The following NKAIN3 variants were observed in gnomAD, a reference collection of about 807,000 sequenced individuals.
NKAIN3 encodes sodium/potassium-transporting ATPase subunit beta-1-interacting protein 3.
NKAIN3 carries 25 observed loss-of-function variants against 30.2 expected under a neutral mutation model. The observed-to-expected ratio is 0.83, with a 90% CI of 0.60 to 1.16. The LOEUF (loss-of-function observed/expected upper bound fraction) is 1.16. NKAIN3 is among the 50% of genes most tolerant of loss of function. The pLI is 0.00. For missense variants in NKAIN3, 225 were observed against 254.1 expected, an observed-to-expected ratio of 0.89 and a Z score of 0.78; for synonymous variants, 91 against 89.6, an observed-to-expected ratio of 1.02 and a Z score of -0.09.
chr8:62,943,646 T>C (rs1823035041), intron 5 of NKAIN3, among the ~76,000 whole-genome samples: 1 of 151,604 alleles, frequency 6.6e-6, no homozygotes, highest in Non-Finnish European at 1.5e-5. Context: ...CAAATGCCCA[T>C]CAGTCAACAA....
intron 3 of NKAIN3, among the ~76,000 whole-genome samples, chr8:62,633,900 G>A (rs1812042869): frequency 6.6e-6 from 1 of 152,124 alleles, no homozygotes; most frequent in Non-Finnish European, 1.5e-5. Context: ...TCGCATCTAA[G>A]AGAGTACAGC....
intron 1 of NKAIN3, among the ~76,000 whole-genome samples, chr8:62,507,638 TG>T (rs1807684383): frequency 6.6e-6 from 1 of 152,164 alleles, no homozygotes; most frequent in Non-Finnish European, 1.5e-5. Context: ...TCTCTCTCTT[TG>T]TAAAAAAAAT....
At chr8:62,692,024 A>G (rs1813983160) in intron 3 of NKAIN3, among the ~76,000 whole-genome samples, 2 of 152,192 alleles carry the variant, frequency 1.3e-5, no homozygotes, top group Admixed American at 6.5e-5. Flanking sequence ...TAGCTGGCCT[A>G]TAATGATCTT....
intron 1 of NKAIN3, among the ~76,000 whole-genome samples, chr8:62,304,919 A>G (rs559842808): frequency 1.3e-5 from 2 of 150,648 alleles, no homozygotes; most frequent in African/African-American, 2.5e-5. Context: ...GTTGTACTGG[A>G]AAGTGTCAGA....
chr8:62,415,130 C>A (rs1198460916), intron 1 of NKAIN3, among the ~76,000 whole-genome samples: 20 of 94,768 alleles, frequency 2.1e-4, no homozygotes, highest in African/African-American at 6.7e-4. Flanking sequence ...ATATAATATA[C>A]TATAGTATAT....
chr8:62,584,024 T>C (rs181634097), intron 2 of NKAIN3, among the ~76,000 whole-genome samples: 249 of 152,282 alleles, frequency 1.6e-3, no homozygotes, highest in Non-Finnish European at 3.0e-3. Flanking sequence ...TTAATTCTGA[T>C]ATTTAAAAAA....
intron 1 of NKAIN3, among the ~76,000 whole-genome samples, chr8:62,451,243 TCTCTTCTCTTCTCTTCTC>T (rs1158418690): frequency 6.6e-6 from 1 of 151,400 alleles, no homozygotes. Flanking sequence ...TTCTCTTCTC[TCTCTTCTCTTCTCTTCTC>T]CTCTTCTCTT....
At chr8:62,623,047 T>C (rs1811668106) in intron 3 of NKAIN3, among the ~76,000 whole-genome samples, 1 of 152,046 alleles carries the variant, frequency 6.6e-6, no homozygotes, top group Admixed American at 6.6e-5. Flanking sequence ...AAATAAAAAA[T>C]GTACTGATGA....
intron 1 of NKAIN3, among the ~76,000 whole-genome samples, chr8:62,574,661 C>A (rs184734733): frequency 1.3e-5 from 2 of 152,118 alleles, no homozygotes; most frequent in East Asian, 3.9e-4. Flanking sequence ...ACGTTTCCAC[C>A]AACAGTGTAC....
At chr8:62,450,214 A>G (rs1805600842) in intron 1 of NKAIN3, among the ~76,000 whole-genome samples, 1 of 152,148 alleles carries the variant, frequency 6.6e-6, no homozygotes, top group African/African-American at 2.4e-5. Context: ...GCATGTAGCT[A>G]GTTATTTTTT....
At chr8:62,578,724 C>T (rs1190647454) in intron 1 of NKAIN3, among the ~76,000 whole-genome samples, 1 of 151,564 alleles carries the variant, frequency 6.6e-6, no homozygotes, top group Non-Finnish European at 1.5e-5. Context: ...TGTTTTTGAT[C>T]CAATTATGTT....
At chr8:62,729,936 T>C (rs1315156387) in intron 3 of NKAIN3, among the ~76,000 whole-genome samples, 1 of 152,224 alleles carries the variant, frequency 6.6e-6, no homozygotes, top group Non-Finnish European at 1.5e-5. Context: ...TCATAGCATA[T>C]GCTCATTTTA....
chr8:62,696,201 A>G (rs1455246832), intron 3 of NKAIN3, among the ~76,000 whole-genome samples: 2 of 152,154 alleles, frequency 1.3e-5, no homozygotes, highest in Non-Finnish European at 2.9e-5. Context: ...CCATGTTAAC[A>G]ATACTGAACT....
chr8:62,622,689 A>T (rs1023573538), intron 3 of NKAIN3, among the ~76,000 whole-genome samples: 4 of 151,952 alleles, frequency 2.6e-5, no homozygotes, highest in Admixed American at 1.3e-4. Flanking sequence ...TGTCAGAGAT[A>T]TGTTTTGCAA....
chr8:62,807,952 T>TA (rs1011934003), intron 4 of NKAIN3, among the ~76,000 whole-genome samples: 17 of 151,948 alleles, frequency 1.1e-4, no homozygotes, highest in African/African-American at 2.7e-4. Context: ...TAGTTATTAA[T>TA]AAAAAAAGAA....
intron 1 of NKAIN3, among the ~76,000 whole-genome samples, chr8:62,547,293 G>A (rs928090041): frequency 4.6e-5 from 7 of 152,114 alleles, no homozygotes; most frequent in African/African-American, 1.7e-4. Context: ...CTCCTTCTCA[G>A]TTACTAACAT....
At chr8:62,942,034 A>C (rs962049212) in intron 5 of NKAIN3, among the ~76,000 whole-genome samples, 1 of 151,848 alleles carries the variant, frequency 6.6e-6, no homozygotes, top group African/African-American at 2.4e-5. Flanking sequence ...ATCCAAAAAG[A>C]ACCTAGAACT....
chr8:62,737,367 C>T (rs1815708632), intron 3 of NKAIN3, among the ~76,000 whole-genome samples: 2 of 152,200 alleles, frequency 1.3e-5, no homozygotes, highest in Non-Finnish European at 2.9e-5. Context: ...TCTCATATCA[C>T]TTTTACAATA....
At chr8:62,926,820 C>T (rs147944038) in intron 5 of NKAIN3, among the ~76,000 whole-genome samples, 3,561 of 152,276 alleles carry the variant, frequency 0.023, 80 homozygotes, top group Non-Finnish European at 0.037. Flanking sequence ...TGATCATCAT[C>T]TTCCTGACAG....
Sources: allele counts gnomAD v4.1 joint callset (sites outside exome capture counted in the v4.1 genomes callset), GRCh38; gene constraint gnomAD v4.1.1; transcripts MANE v1.5; gene names NCBI Gene and HGNC (gene_info 2026-07-23, HGNC 2026-07-21).